Variants in PIP4K2A observed in about 807,000 individuals in gnomAD.
The protein encoded by PIP4K2A is phosphatidylinositol-5-phosphate 4-kinase type 2 alpha.
PIP4K2A carries 14 observed loss-of-function variants against 42.9 expected under a neutral mutation model. The observed-to-expected ratio is 0.33, with a 90% CI of 0.22 to 0.51. The LOEUF (loss-of-function observed/expected upper bound fraction) is 0.51. Among genes scored for constraint, PIP4K2A ranks in the 20% least tolerant of loss-of-function variants. PIP4K2A has a pLI of 0.97. For synonymous variants in PIP4K2A, 192 were observed against 192.2 expected (o/e 1.00, Z 0.01); for missense variants, 434 against 519.8 (o/e 0.83, Z 1.61).
chr10:22,626,382 G>C (rs1838438046), intron 1 of PIP4K2A, among the ~76,000 whole-genome samples: 1 of 152,086 alleles, frequency 6.6e-6, no homozygotes, highest in Non-Finnish European at 1.5e-5. Context: ...GTTGTTAAAA[G>C]AATAAAAGCC....
At chr10:22,622,740 T>C (rs988332843) in intron 1 of PIP4K2A, among the ~76,000 whole-genome samples, 4 of 152,092 alleles carry the variant, frequency 2.6e-5, no homozygotes, top group Non-Finnish European at 5.9e-5. Context: ...CCACCGGACA[T>C]GGGAGGAAAG....
chr10:22,544,966 C>T (rs1484555280), intron 7 of PIP4K2A, among the ~76,000 whole-genome samples: 1 of 152,214 alleles, frequency 6.6e-6, no homozygotes, highest in Non-Finnish European at 1.5e-5. Flanking sequence ...CACGGGGCCT[C>T]GCTGCACATT....
chr10:22,567,743 G>T (rs746250625), intron 6 of PIP4K2A, 108 bp downstream of exon 6: 22 of 950,560 alleles, frequency 2.3e-5, no homozygotes, highest in Non-Finnish European at 3.5e-6. Context: ...TGGGGAACAG[G>T]AAGAACCACA....
At position 22,662,555 on chromosome 10, in the gene PIP4K2A, T is replaced by G. The variant is rs186259950; in HGVS notation, c.144+51628A>C. Among the ~76,000 whole-genome samples, 12 of 152,344 alleles carry G rather than the reference T, an allele frequency of 7.9e-5. No homozygotes were observed. In the East Asian group the frequency reaches 2.3e-3, roughly 29 times the overall value. On this transcript the variant is annotated intron_variant, in intron 1 of 9. Transcript: ENST00000376573. Reference sequence around the variant, plus strand: ...TGCCTTCAGTGTTCAGCTTTGCCCTTTAATATACAGGGTACATCACTGTTT... The same window carrying G: ...TGCCTTCAGTGTTCAGCTTTGCCCTGTAATATACAGGGTACATCACTGTTT...
intron 1 of PIP4K2A, among the ~76,000 whole-genome samples, chr10:22,657,746 G>T (rs1839129809): frequency 6.6e-6 from 1 of 152,196 alleles, no homozygotes; most frequent in African/African-American, 2.4e-5. Flanking sequence ...ACTTGAAAAA[G>T]CAAGAAGTGT....
chr10:22,545,140 T>C (rs1836229903), intron 7 of PIP4K2A, among the ~76,000 whole-genome samples: 1 of 152,216 alleles, frequency 6.6e-6, no homozygotes, highest in South Asian at 2.1e-4. Context: ...GCTTGTTACT[T>C]CTTCCCTATC....
intron 1 of PIP4K2A, among the ~76,000 whole-genome samples, chr10:22,627,502 C>G (rs7475780): frequency 6.8e-6 from 1 of 146,568 alleles, no homozygotes; most frequent in African/African-American, 2.5e-5. Context: ...TACATAAACT[C>G]TAATACATTG....
At chr10:22,609,776 C>A in intron 1 of PIP4K2A, 59 bp from the exon 2 acceptor site, 1 of 1,000,022 alleles carries the variant, frequency 1.0e-6, no homozygotes. Flanking sequence ...GAGGACTTGA[C>A]TTGAATGTGT....
chr10:22,709,553 T>A (rs1167702210), intron 1 of PIP4K2A, among the ~76,000 whole-genome samples: 1 of 152,202 alleles, frequency 6.6e-6, no homozygotes, highest in East Asian at 1.9e-4. Flanking sequence ...TTTTGGTGGT[T>A]TATTATAATT....
At chr10:22,678,496 C>T (rs184839321) in intron 1 of PIP4K2A, among the ~76,000 whole-genome samples, 38 of 152,020 alleles carry the variant, frequency 2.5e-4, no homozygotes, top group African/African-American at 8.7e-4. Context: ...TGTTTTACTT[C>T]CTTGAAGACA....
chr10:22,577,523 G>T (rs1837152465), intron 4 of PIP4K2A, among the ~76,000 whole-genome samples: 1 of 152,132 alleles, frequency 6.6e-6, no homozygotes, highest in African/African-American at 2.4e-5. Context: ...CTTCCTGAGG[G>T]TCTCACCAGC....
intron 1 of PIP4K2A, among the ~76,000 whole-genome samples, chr10:22,650,990 C>T (rs1838982793): frequency 6.6e-6 from 1 of 152,188 alleles, no homozygotes; most frequent in African/African-American, 2.4e-5. Flanking sequence ...GAAGTGACAG[C>T]TCCCAGATTT....
At chr10:22,659,974 G>C (rs1009522083) in intron 1 of PIP4K2A, among the ~76,000 whole-genome samples, 1 of 152,248 alleles carries the variant, frequency 6.6e-6, no homozygotes, top group South Asian at 2.1e-4. Flanking sequence ...CTTGTCTTGC[G>C]AAGCAGAGCT....
intron 1 of PIP4K2A, among the ~76,000 whole-genome samples, chr10:22,680,901 C>T (rs1839646730): frequency 6.6e-6 from 1 of 152,156 alleles, no homozygotes; most frequent in Non-Finnish European, 1.5e-5. Context: ...TGACCTGGGT[C>T]TTCCTGCATG....
At chr10:22,553,033 C>T (rs1836450873) in intron 6 of PIP4K2A, among the ~76,000 whole-genome samples, 1 of 152,116 alleles carries the variant, frequency 6.6e-6, no homozygotes, top group Non-Finnish European at 1.5e-5. Context: ...GCAGAATTAC[C>T]TCATGTGACA....
chr10:22,649,957 G>A (rs987566228), intron 1 of PIP4K2A, among the ~76,000 whole-genome samples: 1 of 152,140 alleles, frequency 6.6e-6, no homozygotes, highest in Non-Finnish European at 1.5e-5. Context: ...GCAAGAGAAT[G>A]GCAGGAACAC....
intron 1 of PIP4K2A, among the ~76,000 whole-genome samples, chr10:22,697,359 C>A (rs987785598): frequency 6.6e-6 from 1 of 152,116 alleles, no homozygotes; most frequent in Non-Finnish European, 1.5e-5. Context: ...GAGTGGCTAG[C>A]GCACAGAATC....
rs548750040 is a variant in PIP4K2A, at chr10:22,609,737, A to T, written c.145-20T>A. 8.6e-5 allele frequency: 122 copies of T among 1,426,204 alleles called. No individual in the cohort carries two copies. The highest frequency in any genetic ancestry group is 1.1e-4 in the Non-Finnish European group (112 of 1,014,944). The allele number at this position is 1,426,204 out of a possible 1,614,324, so 88.3% of individuals were successfully genotyped here. On this transcript the variant is annotated intron_variant, in intron 1 of 9. Coordinates refer to ENST00000376573, the MANE Select transcript of PIP4K2A (RefSeq NM_005028.5). ...ATTGATCTGGAAAAATATAAAATAA[A>T]TAGCATGGGTTATTACTATCCAGGT...
intron 6 of PIP4K2A, among the ~76,000 whole-genome samples, chr10:22,558,050 A>AT (rs1836596262): frequency 6.6e-6 from 1 of 152,222 alleles, no homozygotes; most frequent in African/African-American, 2.4e-5. Context: ...CTCATTTGGC[A>AT]ACCTATTTAT....
Sources: allele counts gnomAD v4.1 joint callset (sites outside exome capture counted in the v4.1 genomes callset), GRCh38; gene constraint gnomAD v4.1.1; transcripts MANE v1.5; gene names NCBI Gene and HGNC (gene_info 2026-07-23, HGNC 2026-07-21).